CCDC91: variants seen among roughly 807,000 people sequenced by gnomAD.
The protein encoded by CCDC91 is coiled-coil domain-containing protein 91.
Under a neutral mutation model 63.2 loss-of-function variants are expected in CCDC91, and 48 were observed. The observed-to-expected ratio is 0.76, with a 90% CI of 0.60 to 0.97. The LOEUF is 0.97. Among genes scored for constraint, CCDC91 ranks in the 50% least tolerant of loss-of-function variants. CCDC91 has a pLI of 0.00. For missense variants in CCDC91, 500 were observed against 494.6 expected (o/e 1.01, Z -0.10); for synonymous variants, 167 against 165.8 (o/e 1.01, Z -0.06).
intron 12 of CCDC91, among the ~76,000 whole-genome samples, chr12:28,499,057 C>G (rs1262579867): frequency 1.3e-5 from 2 of 151,570 alleles, no homozygotes; most frequent in African/African-American, 4.8e-5. Context: ...GCTCACTAAG[C>G]AGCTTTCTGA....
chr12:28,429,679 A>G (rs1948524321), intron 8 of CCDC91, among the ~76,000 whole-genome samples: 1 of 152,130 alleles, frequency 6.6e-6, no homozygotes, highest in South Asian at 2.1e-4. Flanking sequence ...ACATAGAAAT[A>G]GTATGAGTTA....
At chr12:28,348,913 G>A (rs752702976) in intron 6 of CCDC91, among the ~76,000 whole-genome samples, 4 of 151,856 alleles carry the variant, frequency 2.6e-5, no homozygotes, top group African/African-American at 9.7e-5. Context: ...TTGTAGAGAC[G>A]GTGTTTTGCT....
chr12:28,462,793 G>C (rs146121057), intron 11 of CCDC91, among the ~76,000 whole-genome samples: 100 of 152,202 alleles, frequency 6.6e-4, no homozygotes, highest in African/African-American at 2.2e-3. Flanking sequence ...AGAGTGCTTT[G>C]AGAGTGATAA....
At chr12:28,507,372 C>T (rs1272905292) in intron 12 of CCDC91, among the ~76,000 whole-genome samples, 2 of 151,982 alleles carry the variant, frequency 1.3e-5, no homozygotes, top group African/African-American at 2.4e-5. Context: ...TCTGTAGCAG[C>T]ATTTGGTGGC....
chr12:28,337,872 G>GT (rs566271996), intron 6 of CCDC91, among the ~76,000 whole-genome samples: 58 of 151,446 alleles, frequency 3.8e-4, no homozygotes, highest in African/African-American at 5.6e-4. Context: ...AATTTCTATA[G>GT]TTTTTTTTAT....
chr12:28,432,148 A>G (rs1948663524), intron 8 of CCDC91, among the ~76,000 whole-genome samples: 1 of 152,036 alleles, frequency 6.6e-6, no homozygotes, highest in African/African-American at 2.4e-5. Flanking sequence ...ACATAGGTAA[A>G]CATGTGCCAT....
At chr12:28,293,078 T>C (rs1373278933) in intron 3 of CCDC91, among the ~76,000 whole-genome samples, 1 of 152,178 alleles carries the variant, frequency 6.6e-6, no homozygotes, top group African/African-American at 2.4e-5. Flanking sequence ...GATTTTAATT[T>C]CAAAATACAT....
intron 11 of CCDC91, among the ~76,000 whole-genome samples, chr12:28,471,389 A>G (rs1433949753): frequency 6.6e-6 from 1 of 152,160 alleles, no homozygotes; most frequent in East Asian, 1.9e-4. Flanking sequence ...TACCTCTCAT[A>G]TGTTTTCAGG....
rs189551456 is a variant in CCDC91, at chr12:28,433,140, C to T, written c.763-17021C>T. 9.9e-5 allele frequency among the ~76,000 whole-genome samples: 15 copies of T among 151,850 alleles called. No homozygotes were observed. In the East Asian group the frequency reaches 1.9e-3, roughly 20 times the overall value. On this transcript the variant is annotated intron_variant, in intron 8 of 12. Transcript: ENST00000536442. ...TCCTTTATCTGATACATCAATCTTA[C>T]GTATTTTATCCCAGTCTGTGGCTTG...
Position 28,549,074 on chromosome 12 carries a change from C to A in CCDC91, c.1227C>A (p.Val409=), listed in dbSNP as rs757495533. Residue 409 remains valine, a synonymous_variant, in exon 13 of 13, where the codon GTC becomes GTA. Coordinates refer to ENST00000536442, the MANE Select transcript of CCDC91 (RefSeq NM_018318.5). ...AAAAAATTAAACAGCTCGATCAAGTCATCCGCCAAAGAAGCCTGTCCAGTT... is the reference window on the plus strand; with the variant it reads ...AAAAAATTAAACAGCTCGATCAAGTAATCCGCCAAAGAAGCCTGTCCAGTT... ...YIKEQKRLDQ[V]IRQRSLSSLE... 6.2e-7 allele frequency: 1 copy of A among 1,609,468 alleles called. No homozygotes were observed. Among genetic ancestry groups the A allele is most frequent in the South Asian group, 1.1e-5 (1 of 90,696 alleles).
At chr12:28,464,811 AG>A (rs1317611631) in intron 11 of CCDC91, among the ~76,000 whole-genome samples, 1 of 152,068 alleles carries the variant, frequency 6.6e-6, no homozygotes, top group Non-Finnish European at 1.5e-5. Flanking sequence ...AGAACGGTAG[AG>A]GGAAAAGTAA....
At chr12:28,464,118 C>T (rs530465414) in intron 11 of CCDC91, among the ~76,000 whole-genome samples, 1 of 152,286 alleles carries the variant, frequency 6.6e-6, no homozygotes, top group South Asian at 2.1e-4. Context: ...ACTTACCTGA[C>T]TCCTGCCCAC....
At chr12:28,518,506 T>C (rs1940215010) in intron 12 of CCDC91, among the ~76,000 whole-genome samples, 1 of 152,054 alleles carries the variant, frequency 6.6e-6, no homozygotes, top group African/African-American at 2.4e-5. Flanking sequence ...ATTCTTTGTT[T>C]TTTTCTTACT....
chr12:28,472,035 G>A (rs759090659), intron 11 of CCDC91, among the ~76,000 whole-genome samples: 4 of 152,210 alleles, frequency 2.6e-5, no homozygotes, highest in Admixed American at 1.3e-4. Flanking sequence ...ACAGGCATGA[G>A]CCACCACGCC....
At chr12:28,522,854 G>A (rs1020192921) in intron 12 of CCDC91, among the ~76,000 whole-genome samples, 7 of 152,172 alleles carry the variant, frequency 4.6e-5, no homozygotes, top group African/African-American at 1.4e-4. Flanking sequence ...TCAGGAGCAG[G>A]TTGTTCAGTT....
intron 11 of CCDC91, among the ~76,000 whole-genome samples, chr12:28,462,463 A>G (rs1950353376): frequency 6.6e-6 from 1 of 152,078 alleles, no homozygotes; most frequent in African/African-American, 2.4e-5. Flanking sequence ...CATGAAAAAA[A>G]TTACTGAGAC....
At chr12:28,385,861 T>C (rs573532905) in intron 7 of CCDC91, among the ~76,000 whole-genome samples, 1 of 152,312 alleles carries the variant, frequency 6.6e-6, no homozygotes, top group South Asian at 2.1e-4. Flanking sequence ...GCTATACTTA[T>C]GTCATTCAAA....
At chr12:28,316,182 A>C (rs1939840318) in intron 6 of CCDC91, among the ~76,000 whole-genome samples, 1 of 151,876 alleles carries the variant, frequency 6.6e-6, no homozygotes, top group Non-Finnish European at 1.5e-5. Context: ...AAGTTATTAC[A>C]TTATAAATTT....
chr12:28,395,105 G>T (rs1158092353), intron 8 of CCDC91, among the ~76,000 whole-genome samples: 1 of 152,092 alleles, frequency 6.6e-6, no homozygotes, highest in Non-Finnish European at 1.5e-5. Flanking sequence ...TTTGTTACTG[G>T]TATTTCATAT....
Sources: gnomAD v4.1 joint callset for allele counts (sites outside exome capture counted in the v4.1 genomes callset) on GRCh38, gnomAD v4.1.1 for gene constraint, MANE v1.5 for transcripts, NCBI Gene and HGNC (gene_info 2026-07-23, HGNC 2026-07-21) for gene names.